CHRDL1: variants seen among roughly 807,000 people sequenced by gnomAD.
CHRDL1 encodes chordin-like protein 1.
In CHRDL1, 19 loss-of-function variants were observed where a neutral mutation model predicts 40.9. That is an observed-to-expected ratio of 0.46 (90% CI 0.32 to 0.68). The LOEUF is 0.68. Ranked by LOEUF, CHRDL1 falls within the 30% of genes least tolerant of loss-of-function variation. The probability of loss-of-function intolerance (pLI) is 0.03; values close to 1 mark genes in which losing one functional copy is unlikely to be tolerated. For missense variants in CHRDL1, 329 were observed against 352.1 expected (o/e 0.93, Z 0.53); for synonymous variants, 136 against 123.4 (o/e 1.10, Z -0.68).
chrX:110,719,025 A>G (rs776465354), intron 6 of CHRDL1, among the ~76,000 whole-genome samples: 2 of 111,828 alleles, frequency 1.8e-5, no homozygotes, highest in African/African-American at 3.3e-5. Flanking sequence ...ACCACCCTAT[A>G]TATCTACTGT....
intron 4 of CHRDL1, 138 bp downstream of exon 4, chrX:110,759,523 C>G: frequency 2.0e-6 from 1 of 488,252 alleles, no homozygotes; most frequent in Non-Finnish European, 3.7e-6. Context: ...TATTTAGAGG[C>G]CAGTTTGGAC....
chrX:110,684,339 C>T (rs5943047), intron 9 of CHRDL1, among the ~76,000 whole-genome samples: 53,722 of 110,791 alleles, frequency 0.48, 11,255 homozygotes, highest in African/African-American at 0.79. Flanking sequence ...ATTTACCATT[C>T]TTTCTTCCTT....
chrX:110,735,771 G>T (rs1367165054), intron 4 of CHRDL1, among the ~76,000 whole-genome samples: 3 of 112,084 alleles, frequency 2.7e-5, no homozygotes, highest in Non-Finnish European at 5.6e-5. Flanking sequence ...TATATGATGA[G>T]AAGCCAGGGA....
chrX:110,792,876 C>A, intron 1 of CHRDL1, among the ~76,000 whole-genome samples: 1 of 112,282 alleles, frequency 8.9e-6, no homozygotes, highest in Admixed American at 9.4e-5. Context: ...TTTAAATGGG[C>A]CATTTTTAGG....
At chrX:110,781,810 T>TGAGGAAGG (rs2089948768) in intron 2 of CHRDL1, among the ~76,000 whole-genome samples, 1 of 112,193 alleles carries the variant, frequency 8.9e-6, no homozygotes, top group Non-Finnish European at 1.9e-5. Flanking sequence ...GAGGAAGGTA[T>TGAGGAAGG]TCTTAATATA....
intron 4 of CHRDL1, among the ~76,000 whole-genome samples, chrX:110,736,070 G>A (rs777975969): frequency 8.9e-6 from 1 of 112,631 alleles, no homozygotes; most frequent in South Asian, 3.7e-4. Context: ...CAAGGAAAGT[G>A]GTGGCACACA....
chrX:110,766,540 C>A (rs2089665037), intron 2 of CHRDL1, among the ~76,000 whole-genome samples: 1 of 111,379 alleles, frequency 9.0e-6, no homozygotes, highest in South Asian at 3.8e-4. Flanking sequence ...TACGAAAGAT[C>A]ATTCAAGACT....
At chrX:110,712,825 C>T (rs2070769491) in intron 6 of CHRDL1, among the ~76,000 whole-genome samples, 2 of 111,632 alleles carry the variant, frequency 1.8e-5, no homozygotes, top group South Asian at 7.6e-4. Context: ...TGTGCCAGTG[C>T]ACTACAGCCT....
At chrX:110,689,524 C>CTATCTATATATCTCTATATCTCTATA (rs2070134248) in intron 8 of CHRDL1, among the ~76,000 whole-genome samples, 1 of 22,834 alleles carries the variant, frequency 4.4e-5, no homozygotes, top group Non-Finnish European at 6.6e-5. Flanking sequence ...CTCTATATAT[C>CTATCTATATATCTCTATATCTCTATA]TATCTATATA....
At chrX:110,685,591 G>A (rs1433009593) in intron 9 of CHRDL1, among the ~76,000 whole-genome samples, 5 of 111,621 alleles carry the variant, frequency 4.5e-5, no homozygotes, top group Non-Finnish European at 7.5e-5. Flanking sequence ...ACAAAAAGTT[G>A]GATCATAATA....
At chrX:110,702,615 C>T (rs1174655248) in intron 6 of CHRDL1, among the ~76,000 whole-genome samples, 1 of 111,480 alleles carries the variant, frequency 9.0e-6, no homozygotes, top group Admixed American at 9.5e-5. Flanking sequence ...ACTATATCAC[C>T]ATCATCTATA....
At chrX:110,700,610 C>T (rs2070493222) in intron 7 of CHRDL1, 44 bp downstream of exon 7, 6 of 905,446 alleles carry the variant, frequency 6.6e-6, no homozygotes, top group Non-Finnish European at 9.7e-6. Context: ...AAAGCTTGGC[C>T]TGATGCTGTG....
chrX:110,720,061 G>A lies in CHRDL1; in HGVS notation c.448-133C>T, dbSNP rs775142301. ...CCCAGCTCTCCCATCGTCAGTTCTC[G>A]GTACTTCCTACATTTTATTACGCAT... On this transcript the variant is annotated intron_variant, in intron 5 of 11. Transcript: ENST00000372042. 3.6e-5 allele frequency: 14 copies of A among 391,606 alleles called. 1 individual carries two copies. In the South Asian group the frequency reaches 6.6e-4, roughly 18 times the overall value. The allele number at this position is 391,606 out of a possible 1,213,427, so 32.3% of individuals were successfully genotyped here.
At chrX:110,735,772 A>G (rs2071253310) in intron 4 of CHRDL1, among the ~76,000 whole-genome samples, 1 of 112,147 alleles carries the variant, frequency 8.9e-6, no homozygotes, top group Non-Finnish European at 1.9e-5. Flanking sequence ...ATATGATGAG[A>G]AGCCAGGGAA....
chrX:110,693,012 G>A (rs1459806952), intron 8 of CHRDL1, among the ~76,000 whole-genome samples: 4 of 111,824 alleles, frequency 3.6e-5, no homozygotes, highest in African/African-American at 9.8e-5. Context: ...CCCTTTAAAC[G>A]AAACAAAACA....
At chrX:110,705,302 TATAC>T (rs1373474646) in intron 6 of CHRDL1, among the ~76,000 whole-genome samples, 1 of 84,954 alleles carries the variant, frequency 1.2e-5, no homozygotes, top group African/African-American at 6.0e-5. Context: ...TATATATATA[TATAC>T]ACACACACAT....
intron 6 of CHRDL1, among the ~76,000 whole-genome samples, chrX:110,703,880 G>A (rs984885593): frequency 1.8e-4 from 20 of 111,712 alleles, no homozygotes; most frequent in Non-Finnish European, 3.4e-4. Context: ...TCACATACTG[G>A]AGACAGCAAG....
chrX:110,719,058 A>G (rs1008520438), intron 6 of CHRDL1, among the ~76,000 whole-genome samples: 3 of 111,694 alleles, frequency 2.7e-5, no homozygotes, highest in Non-Finnish European at 1.9e-5. Flanking sequence ...AAATACCCCA[A>G]TTCTAGCACA....
At chrX:110,727,009 T>A (rs1194762447) in intron 4 of CHRDL1, among the ~76,000 whole-genome samples, 2 of 112,204 alleles carry the variant, frequency 1.8e-5, no homozygotes, top group Non-Finnish European at 3.8e-5. Flanking sequence ...GACATTCCCC[T>A]GACTTCAAGT....
Sources: allele counts gnomAD v4.1 joint callset (sites outside exome capture counted in the v4.1 genomes callset), GRCh38; gene constraint gnomAD v4.1.1; transcripts MANE v1.5; gene names NCBI Gene and HGNC (gene_info 2026-07-23, HGNC 2026-07-21).